Variants in PDSS2 observed in about 807,000 individuals in gnomAD.
The protein encoded by PDSS2 is all trans-polyprenyl-diphosphate synthase PDSS2.
PDSS2 carries 31 observed loss-of-function variants against 44.5 expected under a neutral mutation model. That is an observed-to-expected ratio of 0.70 (90% confidence interval 0.52 to 0.94). PDSS2 has a LOEUF of 0.94. PDSS2 is among the 40% of genes least tolerant of loss of function. The probability of loss-of-function intolerance (pLI) is 0.00; values close to 1 mark genes in which losing one functional copy is unlikely to be tolerated. For missense variants in PDSS2, 452 were observed against 482.2 expected, an observed-to-expected ratio of 0.94 and a Z score of 0.59; for synonymous variants, 157 against 180.3, an observed-to-expected ratio of 0.87 and a Z score of 1.03.
chr6:107,345,199 A>T (rs1778204496), intron 1 of PDSS2, among the ~76,000 whole-genome samples: 1 of 151,644 alleles, frequency 6.6e-6, no homozygotes, highest in South Asian at 2.1e-4. Flanking sequence ...AAATCAACCG[A>T]ATGTGAATGA....
chr6:107,434,052 G>A (rs991862224), intron 1 of PDSS2, among the ~76,000 whole-genome samples: 5 of 152,082 alleles, frequency 3.3e-5, no homozygotes, highest in African/African-American at 9.7e-5. Context: ...AAACTACAAC[G>A]AGATATCATC....
At chr6:107,281,365 T>C (rs1775953608) in intron 2 of PDSS2, among the ~76,000 whole-genome samples, 2 of 152,218 alleles carry the variant, frequency 1.3e-5, no homozygotes, top group Non-Finnish European at 2.9e-5. Flanking sequence ...TTCAAGTCAC[T>C]GTTTGTTAGA....
intron 1 of PDSS2, among the ~76,000 whole-genome samples, chr6:107,429,583 A>G (rs2114742534): frequency 6.6e-6 from 1 of 152,128 alleles, no homozygotes; most frequent in East Asian, 1.9e-4. Context: ...GCGGCCATGA[A>G]GAAGAATATA....
chr6:107,307,487 T>C (rs958738165), intron 2 of PDSS2, among the ~76,000 whole-genome samples: 3 of 151,566 alleles, frequency 2.0e-5, no homozygotes, highest in Admixed American at 6.6e-5. Flanking sequence ...CTGATATACC[T>C]CCAACTCACA....
intron 3 of PDSS2, among the ~76,000 whole-genome samples, chr6:107,259,209 CAACTAT>C (rs1350141584): frequency 2.6e-5 from 4 of 152,104 alleles, no homozygotes; most frequent in Non-Finnish European, 5.9e-5. Context: ...AAATTTTCTA[CAACTAT>C]AAAGTTTCTA....
intron 7 of PDSS2, among the ~76,000 whole-genome samples, chr6:107,177,908 T>C (rs566573655): frequency 6.6e-6 from 1 of 152,310 alleles, no homozygotes; most frequent in African/African-American, 2.4e-5. Flanking sequence ...ATTCACATCA[T>C]GTAGGAATCA....
chr6:107,277,900 C>CA (rs1209990712), intron 2 of PDSS2, among the ~76,000 whole-genome samples: 1 of 151,900 alleles, frequency 6.6e-6, no homozygotes, highest in African/African-American at 2.4e-5. Context: ...GCAGAGGTTG[C>CA]AGTTAGCTGA....
At chr6:107,335,569 A>G (rs1352574255) in intron 1 of PDSS2, among the ~76,000 whole-genome samples, 1 of 152,240 alleles carries the variant, frequency 6.6e-6, no homozygotes, top group African/African-American at 2.4e-5. Flanking sequence ...CAAGGCTTTA[A>G]CTTAGAATGT....
intron 4 of PDSS2, among the ~76,000 whole-genome samples, chr6:107,243,167 G>A (rs1429021798): frequency 6.6e-6 from 1 of 152,068 alleles, no homozygotes; most frequent in African/African-American, 2.4e-5. Context: ...AGAAAAACCT[G>A]GGTTCATTAT....
chr6:107,385,497 CACA>C lies in PDSS2; in HGVS notation c.297-51168_297-51166del, dbSNP rs571355837. Among the ~76,000 whole-genome samples the C allele has an allele frequency of 1.1e-3, 168 of 152,276 alleles. 3 individuals carry two copies. Among genetic ancestry groups the C allele is most frequent in the Admixed American group, 9.0e-3 (137 of 15,298 alleles). On this transcript the variant is annotated intron_variant, in intron 1 of 7. Coordinates refer to ENST00000369037, the MANE Select transcript of PDSS2 (RefSeq NM_020381.4). Reference sequence around the variant, plus strand: ...CTTACTAAATGAATGGGAACAAAATCACAACAAGATCACAATCTTTCATGGATA... The same window carrying C: ...CTTACTAAATGAATGGGAACAAAATCACAAGATCACAATCTTTCATGGATA...
At chr6:107,198,823 A>G (rs917255361) in intron 6 of PDSS2, among the ~76,000 whole-genome samples, 1 of 151,480 alleles carries the variant, frequency 6.6e-6, no homozygotes, top group African/African-American at 2.4e-5. Context: ...AACAACAACA[A>G]CAACAACAAC....
At chr6:107,454,760 T>C (rs1046060073) in intron 1 of PDSS2, among the ~76,000 whole-genome samples, 3 of 151,992 alleles carry the variant, frequency 2.0e-5, no homozygotes, top group African/African-American at 7.2e-5. Context: ...GGCTCCAGCC[T>C]GGGCAACAGA....
At chr6:107,417,885 G>C (rs186294542) in intron 1 of PDSS2, among the ~76,000 whole-genome samples, 2 of 151,438 alleles carry the variant, frequency 1.3e-5, no homozygotes, top group African/African-American at 4.9e-5. Context: ...CAGGGTAAAG[G>C]TATGTGTAAT....
chr6:107,180,392 G>A (rs911321756), intron 7 of PDSS2, among the ~76,000 whole-genome samples: 2 of 152,178 alleles, frequency 1.3e-5, no homozygotes, highest in African/African-American at 4.8e-5. Flanking sequence ...GGGGGTGAGA[G>A]GCATTGAGGA....
At chr6:107,349,090 C>T (rs904320867) in intron 1 of PDSS2, among the ~76,000 whole-genome samples, 5 of 152,162 alleles carry the variant, frequency 3.3e-5, no homozygotes, top group African/African-American at 1.2e-4. Flanking sequence ...ATTTAAGAGT[C>T]AGTTCCTATC....
chr6:107,311,606 G>A (rs1260695421), intron 2 of PDSS2, among the ~76,000 whole-genome samples: 1 of 152,172 alleles, frequency 6.6e-6, no homozygotes, highest in East Asian at 1.9e-4. Flanking sequence ...AGTCCTTGAA[G>A]AGTCTATAAT....
Position 107,459,030 on chromosome 6 carries a change from T to C in PDSS2, c.256A>G (p.Lys86Glu). ...ELSNIAMQVR[K>E]LVGTQHPLLT... ...AGAGGGTGCTGAGTGCCCACCAGCTTCCGCACCTGCATAGCGATGTTGCTG... is the reference window on the plus strand; with the variant it reads ...AGAGGGTGCTGAGTGCCCACCAGCTCCCGCACCTGCATAGCGATGTTGCTG... Residue 86 changes from lysine to glutamate, a missense_variant, in exon 1 of 8, where the codon AAG (lysine) becomes GAG (glutamate). Coordinates refer to ENST00000369037, the MANE Select transcript of PDSS2 (RefSeq NM_020381.4). This position sits in a 1 kb window ranked among gnomAD's most constrained non-coding sequence, Gnocchi z 4.3. The C allele has an allele frequency of 1.9e-6, 3 of 1,614,062 alleles. No homozygotes were observed. The highest frequency in any genetic ancestry group is 2.5e-6 in the Non-Finnish European group (3 of 1,179,998).
At chr6:107,399,806 A>G (rs997275463) in intron 1 of PDSS2, among the ~76,000 whole-genome samples, 10 of 152,124 alleles carry the variant, frequency 6.6e-5, no homozygotes, top group African/African-American at 2.4e-4. Context: ...AAAATTTACT[A>G]ACCTAGGAAA....
Position 107,296,584 on chromosome 6 carries a change from G to C in PDSS2, c.432-22357C>G, listed in dbSNP as rs144461279. On this transcript the variant is annotated intron_variant, in intron 2 of 7. Transcript: ENST00000369037. Reference sequence around the variant, plus strand: ...CTACTAAAAATATAAAAAATTAGCTGGGCGTGGTGGCAGGAGCCTGTAATC... The same window carrying C: ...CTACTAAAAATATAAAAAATTAGCTCGGCGTGGTGGCAGGAGCCTGTAATC... Among the ~76,000 whole-genome samples, 421 of 152,188 alleles carry C rather than the reference G, an allele frequency of 2.8e-3. 2 individuals carry two copies. Among genetic ancestry groups the C allele is most frequent in the African/African-American group, 9.7e-3 (404 of 41,528 alleles).
Sources: gnomAD v4.1 joint callset for allele counts (sites outside exome capture counted in the v4.1 genomes callset) on GRCh38, gnomAD v4.1.1 for gene constraint, Gnocchi (gnomAD v3.1) non-coding constraint, MANE v1.5 for transcripts, NCBI Gene and HGNC (gene_info 2026-07-23, HGNC 2026-07-21) for gene names.